GSG1L: variants seen among roughly 807,000 people sequenced by gnomAD.
GSG1L encodes the protein GSG1 like.
GSG1L carries 24 observed loss-of-function variants against 42.1 expected under a neutral mutation model. That is an observed-to-expected ratio of 0.57 (90% confidence interval 0.41 to 0.80). The LOEUF (loss-of-function observed/expected upper bound fraction) is 0.80. GSG1L is among the 30% of genes least tolerant of loss of function. GSG1L has a pLI of 0.00. For synonymous variants in GSG1L, 215 were observed against 203.5 expected, an observed-to-expected ratio of 1.06 and a Z score of -0.48; for missense variants, 445 against 472.2, an observed-to-expected ratio of 0.94 and a Z score of 0.53.
At chr16:27,946,618 AGAGAGAG>A (rs2084869721) in intron 2 of GSG1L, among the ~76,000 whole-genome samples, 1 of 21,724 alleles carries the variant, frequency 4.6e-5, no homozygotes, top group African/African-American at 1.4e-4. Context: ...AGAGAGAGAG[AGAGAGAG>A]AGAGAGAAAG....
chr16:27,952,778 A>G (rs903481977), intron 2 of GSG1L, among the ~76,000 whole-genome samples: 1 of 152,252 alleles, frequency 6.6e-6, no homozygotes, highest in African/African-American at 2.4e-5. Flanking sequence ...CCTTTTTAGC[A>G]AAGTATACAA....
At chr16:27,878,982 G>T (rs936774346) in intron 3 of GSG1L, among the ~76,000 whole-genome samples, 2 of 152,160 alleles carry the variant, frequency 1.3e-5, no homozygotes, top group African/African-American at 4.8e-5. Context: ...CTGGAGGCAG[G>T]CCAGGGTGAT....
chr16:27,871,553 A>G (rs899204043), intron 3 of GSG1L, among the ~76,000 whole-genome samples: 2 of 152,208 alleles, frequency 1.3e-5, no homozygotes, highest in Non-Finnish European at 2.9e-5. Context: ...TGGAAGGATC[A>G]CCTGAGCTCA....
At chr16:27,977,448 T>C (rs376467327) in intron 1 of GSG1L, among the ~76,000 whole-genome samples, 11 of 151,042 alleles carry the variant, frequency 7.3e-5, no homozygotes, top group African/African-American at 2.7e-4. Context: ...AGTGTGCACC[T>C]GTAGTCGAGG....
At chr16:27,903,642 C>T (rs552445245) in intron 2 of GSG1L, among the ~76,000 whole-genome samples, 1 of 152,304 alleles carries the variant, frequency 6.6e-6, no homozygotes, top group South Asian at 2.1e-4. Context: ...AGATGCCCCC[C>T]CTTGGGGCCC....
chr16:27,978,181 G>A (rs1053771894), intron 1 of GSG1L, among the ~76,000 whole-genome samples: 3 of 152,162 alleles, frequency 2.0e-5, no homozygotes. Flanking sequence ...AGAACTGGCC[G>A]GGTCACAGCT....
chr16:27,881,786 A>G (rs896076953), intron 3 of GSG1L, among the ~76,000 whole-genome samples: 1 of 151,398 alleles, frequency 6.6e-6, no homozygotes, highest in Non-Finnish European at 1.5e-5. Flanking sequence ...CCTTGACTCT[A>G]TTTTCCCCTA....
intron 1 of GSG1L, among the ~76,000 whole-genome samples, chr16:28,049,418 T>G (rs2086198588): frequency 6.6e-6 from 1 of 151,998 alleles, no homozygotes; most frequent in Non-Finnish European, 1.5e-5. Context: ...TGGTAGCTCA[T>G]GCCTGTAAGC....
chr16:27,791,605 G>A (rs557189194), intron 6 of GSG1L, 138 bp from the exon 7 acceptor site: 3 of 488,922 alleles, frequency 6.1e-6, no homozygotes, highest in East Asian at 3.5e-5. Flanking sequence ...TTTGTCTACC[G>A]ATCCATGCCC....
intron 1 of GSG1L, among the ~76,000 whole-genome samples, chr16:28,049,239 T>A (rs1329634377): frequency 6.6e-6 from 1 of 152,218 alleles, no homozygotes; most frequent in Non-Finnish European, 1.5e-5. Context: ...CCTTTTAAAT[T>A]CCTTTTAAAA....
At position 27,789,008 on chromosome 16, in the gene GSG1L, A is replaced by G. The variant is rs1307872304; in HGVS notation, c.*2362T>C. ...GCACATAGTAGGGGCACAGTGAACT[A>G]TATCAGTGAATAGATGGATGCACAG... On this transcript the variant is annotated 3_prime_UTR_variant, in exon 7 of 7. Transcript: ENST00000447459. 1 of 152,272 alleles carries G rather than the reference A, an allele frequency of 6.6e-6. No individual in the cohort carries two copies. Among genetic ancestry groups the G allele is most frequent in the East Asian group, 1.9e-4 (1 of 5,202 alleles). The allele number at this position is 152,272 out of a possible 1,614,324, so 9.4% of individuals were successfully genotyped here. A position where few individuals can be genotyped will look rare whatever the true frequency, so the allele number is the denominator to read the frequency against.
chr16:27,979,733 A>AAG lies in GSG1L; in HGVS notation c.350-16531_350-16530insCT, dbSNP rs1555512114. Among the ~76,000 whole-genome samples the AAG allele has an allele frequency of 4.5e-3, 293 of 65,262 alleles. 1 individual carries two copies. Among genetic ancestry groups the AAG allele is most frequent in the African/African-American group, 5.5e-3 (97 of 17,514 alleles). The allele number at this position is 65,262 out of a possible 152,430, so 42.8% of individuals were successfully genotyped here. On this transcript the variant is annotated intron_variant, in intron 1 of 6. Transcript: ENST00000447459. ...AAGGAAGGAAGGAAGGAAGGAAAGA[A>AAG]AAAGAAAGAAAGAAAGGAAAGAAAG... is the stretch of plus-strand genomic sequence containing the variant.
intron 2 of GSG1L, among the ~76,000 whole-genome samples, chr16:27,958,427 A>AT (rs2085031140): frequency 6.8e-6 from 1 of 147,274 alleles, no homozygotes; most frequent in Non-Finnish European, 1.5e-5. Flanking sequence ...AAAAAAAAAA[A>AT]GAAAAGAAAA....
At chr16:28,060,869 TTAA>T (rs1167541010) in intron 1 of GSG1L, among the ~76,000 whole-genome samples, 2 of 152,224 alleles carry the variant, frequency 1.3e-5, no homozygotes, top group Non-Finnish European at 2.9e-5. Context: ...TAATTTTCAA[TTAA>T]TAATTTTTTA....
intron 2 of GSG1L, among the ~76,000 whole-genome samples, chr16:27,910,474 T>G (rs905253251): frequency 1.2e-4 from 18 of 152,226 alleles, no homozygotes; most frequent in Middle Eastern, 3.2e-3. Flanking sequence ...GTCAAGAAAC[T>G]GAGGCATGAA....
At chr16:27,908,208 C>A (rs555213551) in intron 2 of GSG1L, among the ~76,000 whole-genome samples, 3 of 152,344 alleles carry the variant, frequency 2.0e-5, no homozygotes, top group Admixed American at 6.5e-5. Context: ...ACCCACTGGG[C>A]AGAACCTAAT....
chr16:27,908,540 TA>T (rs1181423778), intron 2 of GSG1L, among the ~76,000 whole-genome samples: 2 of 152,186 alleles, frequency 1.3e-5, no homozygotes, highest in African/African-American at 2.4e-5. Context: ...GGGTAATTTT[TA>T]AAAAACAGAA....
intron 1 of GSG1L, among the ~76,000 whole-genome samples, chr16:27,996,865 A>G (rs2085519662): frequency 1.3e-5 from 2 of 152,086 alleles, no homozygotes; most frequent in South Asian, 4.1e-4. Flanking sequence ...GGCTCAATCA[A>G]TTCTCCTGCC....
At chr16:27,852,155 C>T (rs1363700428) in intron 3 of GSG1L, among the ~76,000 whole-genome samples, 4 of 152,224 alleles carry the variant, frequency 2.6e-5, no homozygotes, top group Admixed American at 2.0e-4. Flanking sequence ...ACGCAGTGAG[C>T]ACTCATGTTT....
Sources: gnomAD v4.1 joint callset for allele counts (sites outside exome capture counted in the v4.1 genomes callset) on GRCh38, gnomAD v4.1.1 for gene constraint, MANE v1.5 for transcripts, NCBI Gene and HGNC (gene_info 2026-07-23, HGNC 2026-07-21) for gene names.